Variants in KPNB1 observed in about 807,000 individuals in gnomAD.
The protein encoded by KPNB1 is importin subunit beta-1.
KPNB1 carries 7 observed loss-of-function variants against 113.0 expected under a neutral mutation model. The observed-to-expected ratio is 0.06, with a 90% CI of 0.04 to 0.12. The LOEUF (loss-of-function observed/expected upper bound fraction) is 0.12, where lower values mean the gene tolerates loss of function less well. KPNB1 is among the 10% of genes least tolerant of loss of function. The pLI, the probability that KPNB1 is intolerant of heterozygous loss-of-function variation, is 1.00. For missense variants in KPNB1, 400 were observed against 1,054.8 expected (o/e 0.38, Z 8.60); for synonymous variants, 363 against 378.6 (o/e 0.96, Z 0.48).
At chr17:47,672,306 CAA>C (rs35344546) in intron 12 of KPNB1, among the ~76,000 whole-genome samples, 181 of 150,702 alleles carry the variant, frequency 1.2e-3, no homozygotes, top group African/African-American at 3.5e-3. Context: ...CTGTGCCCAT[CAA>C]AAAAAAAATC....
At chr17:47,670,891 G>A in intron 12 of KPNB1, 59 bp downstream of exon 12, 1 of 1,421,362 alleles carries the variant, frequency 7.0e-7, no homozygotes, top group Non-Finnish European at 9.8e-7. Context: ...ATTGCCTTCT[G>A]TGTGGAGGAT....
At chr17:47,666,728 C>G (rs989679304) in intron 9 of KPNB1, among the ~76,000 whole-genome samples, 3 of 151,506 alleles carry the variant, frequency 2.0e-5, no homozygotes, top group African/African-American at 7.3e-5. Flanking sequence ...AAGCGATTCT[C>G]CTGCCTCAGC....
At chr17:47,661,008 G>A in intron 5 of KPNB1, 111 bp from the exon 6 acceptor site, 2 of 780,738 alleles carry the variant, frequency 2.6e-6, no homozygotes, top group South Asian at 2.9e-5. Flanking sequence ...AGGCAGGGCT[G>A]TGTGGGGCCC....
At position 47,649,967 on chromosome 17, in the gene KPNB1, C is replaced by G; in HGVS notation, c.-278C>G. Reference sequence around the variant, plus strand: ...CTCACAGCCTCCCTTCCTTCTTTCTCCCTCCGCCTCCCGAGCACCAGCGCG... The same window carrying G: ...CTCACAGCCTCCCTTCCTTCTTTCTGCCTCCGCCTCCCGAGCACCAGCGCG... On this transcript the variant is annotated 5_prime_UTR_variant, in exon 1 of 22. Coordinates refer to ENST00000290158, the MANE Select transcript of KPNB1 (RefSeq NM_002265.6). 7.6e-7 allele frequency: 1 copy of G among 1,324,422 alleles called. No individual in the cohort carries two copies. Among genetic ancestry groups the G allele is most frequent in the Non-Finnish European group, 9.6e-7 (1 of 1,041,702 alleles). 82.0% of individuals were successfully genotyped at this position (1,324,422 alleles called of 1,614,324 possible). A position where few individuals can be genotyped will look rare whatever the true frequency, so the allele number is the denominator to read the frequency against.
In KPNB1 at chr17:47,680,099, A is replaced by T; in HGVS notation, c.2433A>T (p.Thr811=). The T allele has an allele frequency of 6.2e-7, 1 of 1,613,412 alleles. No individual in the cohort carries two copies. Among genetic ancestry groups the T allele is most frequent in the Non-Finnish European group, 8.5e-7 (1 of 1,179,260 alleles). ...IDHIAGDEDH[T]DGVVACAAGL... ...ACATTGCTGGAGATGAGGATCACAC[A>T]GATGGAGTAGTAGCTTGTGCTGCTG... Residue 811 remains threonine, a synonymous_variant, in exon 20 of 22, where the codon ACA becomes ACT. Transcript: ENST00000290158.
chr17:47,674,820 G>C (rs772909617), intron 15 of KPNB1, 38 bp downstream of exon 15: 2 of 1,580,200 alleles, frequency 1.3e-6, no homozygotes, highest in East Asian at 4.5e-5. Flanking sequence ...GAATGTCTTT[G>C]GAATGTAGGC....
At chr17:47,679,957 A>G (rs1395844285) in intron 19 of KPNB1, 63 bp from the exon 20 acceptor site, 5 of 1,033,916 alleles carry the variant, frequency 4.8e-6, no homozygotes, top group Non-Finnish European at 3.0e-6. Context: ...TGGGCCTCCT[A>G]AAGTGCTGGG....
At position 47,672,711 on chromosome 17, in the gene KPNB1, A is replaced by G. The variant is rs367578040; in HGVS notation, c.1548-307A>G. Among the ~76,000 whole-genome samples, 33 of 152,310 alleles carry G rather than the reference A, an allele frequency of 2.2e-4. 1 individual carries two copies. In the South Asian group the frequency reaches 6.8e-3, roughly 32 times the overall value. On this transcript the variant is annotated intron_variant, in intron 12 of 21. Coordinates refer to ENST00000290158, the MANE Select transcript of KPNB1 (RefSeq NM_002265.6). Reference sequence around the variant, plus strand: ...CCAGGAAAATTGGGGTATTTTCTTCATAGCACTTCAGACAACCTGTTAAAT... The same window carrying G: ...CCAGGAAAATTGGGGTATTTTCTTCGTAGCACTTCAGACAACCTGTTAAAT...
intron 13 of KPNB1, 101 bp from the exon 14 acceptor site, chr17:47,673,389 G>T: frequency 3.7e-6 from 4 of 1,078,734 alleles, no homozygotes; most frequent in Admixed American, 1.9e-5. Flanking sequence ...TTTTGTTGCT[G>T]TTGTTTACTT....
chr17:47,679,995 C>G (rs372566526), intron 19 of KPNB1, 25 bp from the exon 20 acceptor site: 1 of 1,540,022 alleles, frequency 6.5e-7, no homozygotes, highest in Non-Finnish European at 9.0e-7. Context: ...CCGCACCCGA[C>G]CAATACCTTC....
At chr17:47,659,906 A>AT (rs1342273888) in intron 5 of KPNB1, among the ~76,000 whole-genome samples, 1 of 151,448 alleles carries the variant, frequency 6.6e-6, no homozygotes, top group African/African-American at 2.4e-5. Context: ...TCCAAAAAAA[A>AT]AAAATATATA....
At position 47,669,886 on chromosome 17, in the gene KPNB1, C is replaced by T. The variant is rs1156581396; in HGVS notation, c.1416+17C>T. The T allele has an allele frequency of 1.3e-6, 2 of 1,549,174 alleles. No homozygotes were observed. The highest frequency in any genetic ancestry group is 2.3e-5 in the East Asian group (1 of 43,924). ...GTGTGCTGGGTAAGGGATTTTCTTG[C>T]TGGTGAGAAAAGGAGCTTGCCTGCG... On this transcript the variant is annotated intron_variant, in intron 11 of 21. Transcript: ENST00000290158.
At chr17:47,650,526 G>A in intron 2 of KPNB1, 82 bp downstream of exon 2, 2 of 1,296,578 alleles carry the variant, frequency 1.5e-6, no homozygotes, top group Admixed American at 2.0e-5. Context: ...GGAGGCCCAG[G>A]CCTCGGGAAC....
intron 13 of KPNB1, 81 bp from the exon 14 acceptor site, chr17:47,673,409 A>T: frequency 8.5e-7 from 1 of 1,174,166 alleles, no homozygotes; most frequent in Non-Finnish European, 1.3e-6. Flanking sequence ...TTCCTATGTT[A>T]GTATTAGGGA....
intron 11 of KPNB1, 136 bp from the exon 12 acceptor site, chr17:47,670,566 A>T: frequency 1.4e-6 from 1 of 734,472 alleles, no homozygotes; most frequent in East Asian, 2.6e-5. Context: ...ATACCTGTAA[A>T]ATGCTGTCTT....
At chr17:47,670,369 T>TA (rs2030409485) in intron 11 of KPNB1, 1 of 239,080 alleles carries the variant, frequency 4.2e-6, no homozygotes, top group Non-Finnish European at 8.4e-6. Context: ...CTCTGCTGCT[T>TA]AGAGAGTTGT....
In KPNB1 at chr17:47,675,373, TTTTTTTTTTTTGTTTG is replaced by T. The variant is rs1567894327; in HGVS notation, c.1912+602_1912+617del. Among the ~76,000 whole-genome samples the T allele has an allele frequency of 7.2e-4, 74 of 102,626 alleles. 13 individuals are homozygous for T. The highest frequency in any genetic ancestry group is 4.1e-3 in the Middle Eastern group (1 of 242). The allele number at this position is 102,626 out of a possible 152,430, so 67.3% of individuals were successfully genotyped here. ...TGGCAGAGGTGTTGTTTTTTTTTTG[TTTTTTTTTTTTGTTTG>T]TTTTTTTTTTGAGACTTGTTCTGTT... is the stretch of plus-strand genomic sequence containing the variant. On this transcript the variant is annotated intron_variant, in intron 15 of 21. Transcript: ENST00000290158.
intron 21 of KPNB1, among the ~76,000 whole-genome samples, chr17:47,681,022 C>A (rs1480756822): frequency 6.6e-6 from 1 of 151,874 alleles, no homozygotes; most frequent in East Asian, 1.9e-4. Flanking sequence ...CGTTGCCTAG[C>A]TCTAGAGAAG....
intron 5 of KPNB1, 58 bp from the exon 6 acceptor site, chr17:47,661,061 A>G: frequency 2.2e-6 from 3 of 1,392,094 alleles, no homozygotes; most frequent in Non-Finnish European, 3.1e-6. Flanking sequence ...GAGTCTGGAA[A>G]TCTTCCTACG....
Sources: gnomAD v4.1 joint callset for allele counts (sites outside exome capture counted in the v4.1 genomes callset) on GRCh38, gnomAD v4.1.1 for gene constraint, MANE v1.5 for transcripts, NCBI Gene and HGNC (gene_info 2026-07-23, HGNC 2026-07-21) for gene names.